ZSWIM9: variants seen among roughly 807,000 people sequenced by gnomAD.
The protein encoded by ZSWIM9 is uncharacterized protein ZSWIM9.
Under a neutral mutation model 25.0 loss-of-function variants are expected in ZSWIM9, and 11 were observed. The ratio of observed to expected loss-of-function variants is 0.44; its 90% confidence interval spans 0.28 to 0.73. The LOEUF (loss-of-function observed/expected upper bound fraction) is 0.73, where lower values mean the gene tolerates loss of function less well. Ranked by LOEUF, ZSWIM9 falls within the 30% of genes least tolerant of loss-of-function variation. The probability of loss-of-function intolerance (pLI) is 0.16; values close to 1 mark genes in which losing one functional copy is unlikely to be tolerated. For missense variants in ZSWIM9, 1,070 were observed against 1,296.5 expected, an observed-to-expected ratio of 0.83 and a Z score of 2.68; for synonymous variants, 562 against 582.1, an observed-to-expected ratio of 0.97 and a Z score of 0.50.
intron 2 of ZSWIM9, among the ~76,000 whole-genome samples, chr19:48,177,125 C>T (rs1394537062): frequency 6.6e-6 from 1 of 151,910 alleles, no homozygotes; most frequent in Non-Finnish European, 1.5e-5. Context: ...GGACCATGCC[C>T]TAGCCAGGAT....
At chr19:48,179,488 A>G (rs2036925752) in intron 2 of ZSWIM9, among the ~76,000 whole-genome samples, 1 of 152,086 alleles carries the variant, frequency 6.6e-6, no homozygotes, top group Admixed American at 6.6e-5. Context: ...TTCATTTTCT[A>G]CAGTGTTGGT....
chr19:48,186,363 C>CT (rs2037011665), intron 3 of ZSWIM9, among the ~76,000 whole-genome samples: 1 of 151,912 alleles, frequency 6.6e-6, no homozygotes, highest in East Asian at 1.9e-4. Context: ...TGCAGTGGCA[C>CT]GCTGTTGGCT....
At position 48,195,315 on chromosome 19, in the gene ZSWIM9, C is replaced by T; in HGVS notation, c.1251C>T (p.Leu417=). The T allele has an allele frequency of 2.6e-6, 4 of 1,530,528 alleles. No homozygotes were observed. Among genetic ancestry groups the T allele is most frequent in the Non-Finnish European group, 3.5e-6 (4 of 1,144,738 alleles). 94.8% of individuals were successfully genotyped at this position (1,530,528 alleles called of 1,614,324 possible). Residue 417 remains leucine (L), a synonymous_variant, in exon 4 of 4, where the codon CTC becomes CTT. Coordinates refer to ENST00000614654, the MANE Select transcript of ZSWIM9 (RefSeq NM_199341.4). The surrounding 1 kb of genome is among the most constrained non-coding windows in gnomAD (Gnocchi z 5.8). ...ACCGCCGGCGACTGCTGCGTCGTCT[C>T]AGCCCCTCGCGTGGCGTGGCGCAGT... ...RGHRRRLLRR[L]SPSRGVAQCL... is the part of the protein sequence containing the mutation.
chr19:48,174,680 C>T (rs1374634945), intron 2 of ZSWIM9: 1 of 152,200 alleles, frequency 6.6e-6, no homozygotes, highest in African/African-American at 2.4e-5. Context: ...TTCTTTCTCA[C>T]TACTTATTCT....
At position 48,187,527 on chromosome 19, in the gene ZSWIM9, T is replaced by TAA. The variant is rs1381137115; in HGVS notation, c.588+4760_588+4761insAA. Among the ~76,000 whole-genome samples the TAA allele has an allele frequency of 6.9e-3, 577 of 83,114 alleles. 10 individuals are homozygous for TAA. Among genetic ancestry groups the TAA allele is most frequent in the African/African-American group, 0.027 (546 of 20,250 alleles). The allele number at this position is 83,114 out of a possible 152,430, so 54.5% of individuals were successfully genotyped here. A position where few individuals can be genotyped will look rare whatever the true frequency, so the allele number is the denominator to read the frequency against. ...TATATTATATTATATATATTATATA[T>TAA]TATATTATTATTATATTATATTATA... On this transcript the variant is annotated intron_variant, in intron 3 of 3. Coordinates refer to ENST00000614654, the MANE Select transcript of ZSWIM9 (RefSeq NM_199341.4).
In ZSWIM9 at chr19:48,182,507, C is replaced by A; in HGVS notation, c.328C>A (p.Arg110=). 1 of 1,535,766 alleles carries A rather than the reference C, an allele frequency of 6.5e-7. No homozygotes were observed. Among genetic ancestry groups the A allele is most frequent in the South Asian group, 1.2e-5 (1 of 84,020 alleles). The change falls in exon 3 of 4, where the codon CGG becomes AGG. Residue 110 remains arginine, a synonymous_variant. Coordinates refer to ENST00000614654, the MANE Select transcript of ZSWIM9 (RefSeq NM_199341.4). This position sits in a 1 kb window ranked among gnomAD's most constrained non-coding sequence, Gnocchi z 4.6. ...CATCATCGTCAAGCTGAGCCCGCTG[C>A]GGGACCGCCTCGTGGTGACGGAGTG... ...AFIIVKLSPL[R]DRLVVTECQL...
At chr19:48,178,268 G>A (rs1322497614) in intron 2 of ZSWIM9, among the ~76,000 whole-genome samples, 3 of 152,142 alleles carry the variant, frequency 2.0e-5, no homozygotes, top group Admixed American at 6.6e-5. Flanking sequence ...AGGCTCCTGC[G>A]TTTTTCTTCA....
intron 3 of ZSWIM9, among the ~76,000 whole-genome samples, chr19:48,191,086 A>ATGTGTGTG (rs1409972670): frequency 1.2e-3 from 172 of 142,644 alleles, no homozygotes; most frequent in Admixed American, 4.3e-3. Flanking sequence ...TGCAGTGTGT[A>ATGTGTGTG]TGTGTATGTG....
rs537767314 is a variant in ZSWIM9, at chr19:48,179,684, C to T, written c.276-2771C>T. Among the ~76,000 whole-genome samples the T allele has an allele frequency of 9.2e-5, 14 of 152,248 alleles. No individual in the cohort carries two copies. In the East Asian group the frequency reaches 1.9e-3, roughly 21 times the overall value. ...GAAACACCATCATAGATGGCAGAGC[C>T]GTGGAGTGGAACATTCGGCAGCAGT... On this transcript the variant is annotated intron_variant, in intron 2 of 3. Transcript: ENST00000614654.
At chr19:48,187,595 TA>T (rs1352546452) in intron 3 of ZSWIM9, 3 of 85,638 alleles carry the variant, frequency 3.5e-5, no homozygotes, top group Non-Finnish European at 4.5e-5. Context: ...TTATATAATA[TA>T]ATATTATATA....
At chr19:48,173,755 G>GCCTCC (rs2123176738) in intron 2 of ZSWIM9, among the ~76,000 whole-genome samples, 1 of 152,194 alleles carries the variant, frequency 6.6e-6, no homozygotes, top group East Asian at 1.9e-4. Flanking sequence ...TCCTGCCTTA[G>GCCTCC]CCTCCCCAGT....
chr19:48,196,755 C>T lies in ZSWIM9; in HGVS notation c.2691C>T (p.Arg897=). 8.1e-7 allele frequency: 1 copy of T among 1,233,526 alleles called. No individual in the cohort carries two copies. The highest frequency in any genetic ancestry group is 1.0e-6 in the Non-Finnish European group (1 of 988,926). The allele number at this position is 1,233,526 out of a possible 1,614,324, so 76.4% of individuals were successfully genotyped here. Residue 897 remains arginine (R), a synonymous_variant, in exon 4 of 4, where the codon CGC becomes CGT. Coordinates refer to ENST00000614654, the MANE Select transcript of ZSWIM9 (RefSeq NM_199341.4). ...CCTGCAGACACCTCTTTGCAGCGCGCCTCCTCACTGGGGCTGCCTTATTCC... is the reference window on the plus strand; with the variant it reads ...CCTGCAGACACCTCTTTGCAGCGCGTCTCCTCACTGGGGCTGCCTTATTCC... ...RLPCRHLFAA[R]LLTGAALFHM...
intron 3 of ZSWIM9, among the ~76,000 whole-genome samples, chr19:48,190,189 T>C (rs1233682033): frequency 3.4e-5 from 5 of 146,430 alleles, no homozygotes; most frequent in Non-Finnish European, 6.0e-5. Flanking sequence ...GGGTGACAGA[T>C]TGAGACTCCA....
At chr19:48,180,810 T>C (rs2123229658) in intron 2 of ZSWIM9, 1 of 148,672 alleles carries the variant, frequency 6.7e-6, no homozygotes, top group East Asian at 2.0e-4. Context: ...CAGGCTGGAG[T>C]GCAGTAGTGC....
chr19:48,187,527 T>TAATATA (rs1381137115), intron 3 of ZSWIM9, among the ~76,000 whole-genome samples: 6 of 83,116 alleles, frequency 7.2e-5, no homozygotes, highest in Non-Finnish European at 1.3e-4. Flanking sequence ...ATATTATATA[T>TAATATA]TATATTATTA....
chr19:48,192,077 C>G (rs186614551), intron 3 of ZSWIM9: 1 of 154,668 alleles, frequency 6.5e-6, no homozygotes, highest in Admixed American at 6.5e-5. Context: ...TGCAGAGAAA[C>G]TACTTCATGT....
chr19:48,186,243 C>T (rs979312967), intron 3 of ZSWIM9, among the ~76,000 whole-genome samples: 9 of 148,086 alleles, frequency 6.1e-5, no homozygotes, highest in South Asian at 2.1e-4. Context: ...CTTTCTGCCC[C>T]GCCACCCCCC....
intron 2 of ZSWIM9, among the ~76,000 whole-genome samples, chr19:48,173,308 TA>T (rs1253098068): frequency 6.6e-6 from 1 of 152,172 alleles, no homozygotes; most frequent in Non-Finnish European, 1.5e-5. Flanking sequence ...ATTTAGTCTT[TA>T]TTTTTTTGAG....
chr19:48,187,543 T>TAA (rs2037039037), intron 3 of ZSWIM9: 3 of 50,466 alleles, frequency 5.9e-5, no homozygotes, highest in Non-Finnish European at 1.1e-4. Flanking sequence ...TATTATTATA[T>TAA]TATATTATAT....
Sources: gnomAD v4.1 joint callset for allele counts (sites outside exome capture counted in the v4.1 genomes callset) on GRCh38, gnomAD v4.1.1 for gene constraint, Gnocchi (gnomAD v3.1) non-coding constraint, MANE v1.5 for transcripts, NCBI Gene and HGNC (gene_info 2026-07-23, HGNC 2026-07-21) for gene names.